The following GLIPR1L2 variants were observed in gnomAD, a reference collection of about 807,000 sequenced individuals.
GLIPR1L2 encodes the protein GLIPR1 like 2.
GLIPR1L2 carries 21 observed loss-of-function variants against 28.4 expected under a neutral mutation model. That is an observed-to-expected ratio of 0.74 (90% CI 0.52 to 1.06). GLIPR1L2 has a LOEUF of 1.06. Among genes scored for constraint, GLIPR1L2 ranks in the 50% least tolerant of loss-of-function variants. GLIPR1L2 has a pLI of 0.00. For synonymous variants in GLIPR1L2, 145 were observed against 139.3 expected (o/e 1.04, Z -0.29); for missense variants, 476 against 416.9 (o/e 1.14, Z -1.23).
intron 1 of GLIPR1L2, among the ~76,000 whole-genome samples, chr12:75,394,763 C>G (rs1396346477): frequency 1.2e-5 from 1 of 80,254 alleles, no homozygotes; most frequent in Non-Finnish European, 2.4e-5. Flanking sequence ...TGTATTTCTG[C>G]AAAAAAAAAA....
intron 2 of GLIPR1L2, among the ~76,000 whole-genome samples, chr12:75,411,711 A>T (rs1333681948): frequency 6.6e-6 from 1 of 151,904 alleles, no homozygotes; most frequent in African/African-American, 2.4e-5. Flanking sequence ...ACTCTTGCAG[A>T]TACTCTATTC....
Position 75,398,554 on chromosome 12 carries a change from C to T in GLIPR1L2, c.234+7204C>T, listed in dbSNP as rs193289840. Among the ~76,000 whole-genome samples, 72 of 152,124 alleles carry T rather than the reference C, an allele frequency of 4.7e-4. 1 individual carries two copies. The highest frequency in any genetic ancestry group is 4.7e-3 in the Admixed American group (72 of 15,272). The stretch of plus-strand genomic sequence containing the variant: ...CTTGGATGCTAGGAGCACAGAATCC[C>T]TCCCTTCTTTTTCTGAGCTGTTCTG... On this transcript the variant is annotated intron_variant, in intron 1 of 5. Transcript: ENST00000550916.
intron 1 of GLIPR1L2, among the ~76,000 whole-genome samples, chr12:75,398,618 A>G (rs1299880275): frequency 6.6e-6 from 1 of 152,166 alleles, no homozygotes; most frequent in Non-Finnish European, 1.5e-5. Context: ...ACATGGTAGT[A>G]CTAGGAGAAG....
At chr12:75,401,891 A>G (rs1791621349) in intron 1 of GLIPR1L2, among the ~76,000 whole-genome samples, 1 of 152,148 alleles carries the variant, frequency 6.6e-6, no homozygotes, top group Non-Finnish European at 1.5e-5. Flanking sequence ...CAATAAATGA[A>G]CTAAAAAATT....
At chr12:75,401,284 TA>T (rs1234611335) in intron 1 of GLIPR1L2, among the ~76,000 whole-genome samples, 2 of 150,290 alleles carry the variant, frequency 1.3e-5, no homozygotes, top group African/African-American at 4.9e-5. Flanking sequence ...AAAATATGAA[TA>T]AAAATATTTA....
In GLIPR1L2 at chr12:75,398,019, G is replaced by A. The variant is rs537813044; in HGVS notation, c.234+6669G>A. Among the ~76,000 whole-genome samples the A allele has an allele frequency of 1.9e-4, 27 of 144,306 alleles. No homozygotes were observed. The South Asian group carries it at 2.7e-3, about 14-fold the overall frequency. The allele number at this position is 144,306 out of a possible 152,430, so 94.7% of individuals were successfully genotyped here. A position where few individuals can be genotyped will look rare whatever the true frequency, so the allele number is the denominator to read the frequency against. ...ATTACCTTTCCTTCCTTTGAGCTCAGCTGTGGATTTAAAAAAAAAAAAAAA... is the reference window on the plus strand; with the variant it reads ...ATTACCTTTCCTTCCTTTGAGCTCAACTGTGGATTTAAAAAAAAAAAAAAA... On this transcript the variant is annotated intron_variant, in intron 1 of 5. Transcript: ENST00000550916.
At chr12:75,409,670 T>C (rs1339027513) in intron 1 of GLIPR1L2, among the ~76,000 whole-genome samples, 1 of 146,964 alleles carries the variant, frequency 6.8e-6, no homozygotes, top group Non-Finnish European at 1.5e-5. Context: ...ATATGTAATC[T>C]GATATATATA....
chr12:75,426,762 A>G (rs1354780537), intron 4 of GLIPR1L2, among the ~76,000 whole-genome samples: 2 of 152,242 alleles, frequency 1.3e-5, no homozygotes, highest in Non-Finnish European at 2.9e-5. Flanking sequence ...GAGATGGTGG[A>G]ATGATGCCTA....
intron 1 of GLIPR1L2, among the ~76,000 whole-genome samples, chr12:75,400,704 G>A (rs1057473012): frequency 9.2e-5 from 14 of 151,998 alleles, no homozygotes; most frequent in Non-Finnish European, 1.9e-4. Flanking sequence ...TCTTTAATGC[G>A]TGTTGATAAT....
chr12:75,391,304 AGCTGCGG>A lies in GLIPR1L2; in HGVS notation c.190_196del (p.Leu64AlafsTer13), dbSNP rs1290042533. On this transcript the variant is annotated frameshift_variant, in exon 1 of 6. Transcript: ENST00000550916. LOFTEE classifies it high-confidence loss of function. ...AACGAGTACGTGAACCTCCACAATGAGCTGCGGGGCGACGTCATTCCCCGAGGGTCTA... is the reference window on the plus strand; with the variant it reads ...AACGAGTACGTGAACCTCCACAATGAGGCGACGTCATTCCCCGAGGGTCTA... The A allele has an allele frequency of 6.2e-7, 1 of 1,614,010 alleles. No individual in the cohort carries two copies. The highest frequency in any genetic ancestry group is 8.5e-7 in the Non-Finnish European group (1 of 1,180,028).
intron 1 of GLIPR1L2, among the ~76,000 whole-genome samples, chr12:75,399,598 T>C (rs2045717624): frequency 6.6e-6 from 1 of 152,238 alleles, no homozygotes; most frequent in Non-Finnish European, 1.5e-5. Context: ...TTAGTTTTTT[T>C]GCCTTTTTTT....
At chr12:75,413,456 A>G (rs2045891841) in intron 2 of GLIPR1L2, 142 bp from the exon 3 acceptor site, 4 of 525,126 alleles carry the variant, frequency 7.6e-6, no homozygotes, top group Non-Finnish European at 1.0e-5. Flanking sequence ...GTAACTCTCT[A>G]CATGTCTCTA....
chr12:75,415,704 G>T (rs186343173), intron 3 of GLIPR1L2, among the ~76,000 whole-genome samples: 2 of 152,170 alleles, frequency 1.3e-5, no homozygotes, highest in Admixed American at 1.3e-4. Flanking sequence ...TTGTTTTCTT[G>T]CTGGCTCTGA....
intron 1 of GLIPR1L2, among the ~76,000 whole-genome samples, chr12:75,409,750 TAATCC>T (rs2045844644): frequency 6.9e-6 from 1 of 145,940 alleles, no homozygotes; most frequent in East Asian, 2.0e-4. Flanking sequence ...GATGTATATC[TAATCC>T]GATATATATA....
chr12:75,405,950 C>T (rs991024821), intron 1 of GLIPR1L2, among the ~76,000 whole-genome samples: 2 of 150,096 alleles, frequency 1.3e-5, no homozygotes, highest in Non-Finnish European at 3.0e-5. Context: ...AAAATGACAA[C>T]ATTTACTTAG....
At chr12:75,396,301 C>G (rs994276887) in intron 1 of GLIPR1L2, among the ~76,000 whole-genome samples, 14 of 152,156 alleles carry the variant, frequency 9.2e-5, no homozygotes, top group African/African-American at 3.4e-4. Context: ...AGTACTGGGA[C>G]TACAGGTACT....
chr12:75,412,373 A>G (rs562137422), intron 2 of GLIPR1L2, among the ~76,000 whole-genome samples: 1 of 152,250 alleles, frequency 6.6e-6, no homozygotes, highest in South Asian at 2.1e-4. Context: ...AAGCTTCTGC[A>G]CAGCAAAAGA....
chr12:75,431,286 A>G lies in GLIPR1L2; in HGVS notation c.*125A>G, dbSNP rs560276589. 92 of 582,178 alleles carry G rather than the reference A, an allele frequency of 1.6e-4. No homozygotes were observed. The African/African-American group carries it at 1.6e-3, about 10-fold the overall frequency. 36.1% of individuals were successfully genotyped at this position (582,178 alleles called of 1,614,324 possible). A position where few individuals can be genotyped will look rare whatever the true frequency, so the allele number is the denominator to read the frequency against. On this transcript the variant is annotated 3_prime_UTR_variant, in exon 6 of 6. Transcript: ENST00000550916. ...CAAGAAAGAAAATATGCAAACCACCATTGGAATGTTTTTTATTCCCTTCTC... is the reference window on the plus strand; with the variant it reads ...CAAGAAAGAAAATATGCAAACCACCGTTGGAATGTTTTTTATTCCCTTCTC...
chr12:75,431,290 G>A lies in GLIPR1L2; in HGVS notation c.*129G>A, dbSNP rs532713706. ...AAAGAAAATATGCAAACCACCATTG[G>A]AATGTTTTTTATTCCCTTCTCTCCT... On this transcript the variant is annotated 3_prime_UTR_variant, in exon 6 of 6. Transcript: ENST00000550916. 175 of 579,416 alleles carry A rather than the reference G, an allele frequency of 3.0e-4. No homozygotes were observed. The highest frequency in any genetic ancestry group is 4.5e-4 in the Middle Eastern group (1 of 2,216). The allele number at this position is 579,416 out of a possible 1,614,324, so 35.9% of individuals were successfully genotyped here.
Sources: allele counts gnomAD v4.1 joint callset (sites outside exome capture counted in the v4.1 genomes callset), GRCh38; gene constraint gnomAD v4.1.1; transcripts MANE v1.5; gene names NCBI Gene and HGNC (gene_info 2026-07-23, HGNC 2026-07-21).